HSPG2: variants seen among roughly 807,000 people sequenced by gnomAD.
The protein encoded by HSPG2 is basement membrane-specific heparan sulfate proteoglycan core protein.
Under a neutral mutation model 526.6 loss-of-function variants are expected in HSPG2, and 278 were observed. The ratio of observed to expected loss-of-function variants is 0.53; its 90% CI spans 0.48 to 0.58. HSPG2 has a LOEUF of 0.58. Ranked by LOEUF, HSPG2 falls within the 20% of genes least tolerant of loss-of-function variation. The pLI is 0.00. For missense variants in HSPG2, 5,354 were observed against 6,099.5 expected (o/e 0.88, Z 4.07); for synonymous variants, 2,465 against 2,555.4 (o/e 0.96, Z 1.07).
At position 21,848,454 on chromosome 1, in the gene HSPG2, G is replaced by A. The variant is rs1334932707; in HGVS notation, c.7737+189C>T. Among the ~76,000 whole-genome samples, 1 of 152,180 alleles carries A rather than the reference G, an allele frequency of 6.6e-6. No individual in the cohort carries two copies. Among genetic ancestry groups the A allele is most frequent in the Non-Finnish European group, 1.5e-5 (1 of 68,022 alleles). On this transcript the variant is annotated intron_variant, in intron 59 of 96. Transcript: ENST00000374695. This position sits in a 1 kb window ranked among gnomAD's most constrained non-coding sequence, Gnocchi z 4.9. ...CTTTTCAGTGAGATTTGGTGCAGAA[G>A]TGGATCTCCCTGAGGTCAGGGAGCC...
At chr1:21,875,112 T>G in intron 25 of HSPG2, 110 bp from the exon 26 acceptor site, 1 of 816,976 alleles carries the variant, frequency 1.2e-6, no homozygotes, top group Non-Finnish European at 2.1e-6. Context: ...CCTGTCACAG[T>G]GCTGCTGGGG....
chr1:21,889,068 G>T (rs1352405425), intron 6 of HSPG2, among the ~76,000 whole-genome samples: 1 of 152,178 alleles, frequency 6.6e-6, no homozygotes, highest in Non-Finnish European at 1.5e-5. Flanking sequence ...TAGGACTACA[G>T]GCGCGCACCA....
chr1:21,880,509 C>T lies in HSPG2; in HGVS notation c.2049G>A (p.Leu683=), dbSNP rs768944972. The T allele has an allele frequency of 5.6e-6, 9 of 1,613,626 alleles. No individual in the cohort carries two copies. Among genetic ancestry groups the T allele is most frequent in the Admixed American group, 5.0e-5 (3 of 60,000 alleles). ...SGRPVQRAEL[L]QVLQSLEAVL... ...CGGCCTCCAGGCTCTGCAGCACCTG[C>T]AGCAGCTCCGCGCGCTGCACCGGCC... Residue 683 remains leucine, a synonymous_variant, in exon 16 of 97, where the codon CTG becomes CTA. Coordinates refer to ENST00000374695, the MANE Select transcript of HSPG2 (RefSeq NM_005529.7).
Position 21,887,834 on chromosome 1 carries a change from C to A in HSPG2, c.703+104G>T. ...CCCTTCCTATGCCCCCATCCTCTGC[C>A]TGCACCAAACCCTCATAGTCCTTGA... On this transcript the variant is annotated intron_variant, in intron 7 of 96. Transcript: ENST00000374695. This position sits in a 1 kb window ranked among gnomAD's most constrained non-coding sequence, Gnocchi z 5.0. The A allele has an allele frequency of 6.3e-7, 1 of 1,590,454 alleles. No individual in the cohort carries two copies. The highest frequency in any genetic ancestry group is 2.2e-5 in the East Asian group (1 of 44,772).
chr1:21,830,907 G>T, intron 85 of HSPG2, 75 bp downstream of exon 85: 1 of 954,574 alleles, frequency 1.0e-6, no homozygotes, highest in East Asian at 2.6e-5. Flanking sequence ...GGTTGAGATG[G>T]TGGTGGATAT....
intron 6 of HSPG2, among the ~76,000 whole-genome samples, chr1:21,889,276 C>T (rs1395174668): frequency 1.3e-5 from 2 of 152,004 alleles, no homozygotes; most frequent in East Asian, 1.9e-4. Flanking sequence ...TAGGGCTGTT[C>T]GGTCTAGAGA....
In HSPG2 at chr1:21,842,749, T is replaced by C. The variant is rs776639290; in HGVS notation, c.8910+21A>G. The C allele has an allele frequency of 1.4e-5, 23 of 1,612,178 alleles. No individual in the cohort carries two copies. In the African/African-American group the frequency reaches 1.6e-4, roughly 11 times the overall value. ...TCTAACCTTGCCTGACCTGGAATCC[T>C]CCCCATCCTGGCCCCTGTACCTGGT... On this transcript the variant is annotated intron_variant, in intron 67 of 96. Coordinates refer to ENST00000374695, the MANE Select transcript of HSPG2 (RefSeq NM_005529.7).
intron 86 of HSPG2, 101 bp downstream of exon 86, chr1:21,829,892 C>G (rs746793596): frequency 9.7e-6 from 10 of 1,035,296 alleles, no homozygotes; most frequent in Admixed American, 2.0e-5. Context: ...GCTTGGGAAT[C>G]GTTTTATCAT....
chr1:21,914,483 C>T (rs915676844), intron 1 of HSPG2, among the ~76,000 whole-genome samples: 1 of 152,126 alleles, frequency 6.6e-6, no homozygotes, highest in Non-Finnish European at 1.5e-5. Flanking sequence ...TGTCTCTATC[C>T]CCCGGAGGAG....
intron 75 of HSPG2, 30 bp from the exon 76 acceptor site, chr1:21,835,667 G>A (rs1296395650): frequency 6.5e-7 from 1 of 1,543,726 alleles, no homozygotes. Flanking sequence ...AGACATCAGG[G>A]AGTTGAAAAC....
In HSPG2 at chr1:21,848,656, G is replaced by A; in HGVS notation, c.7724C>T (p.Pro2575Leu). Reference protein sequence around the residue: ...ITWYKRGGSLPSRHQIVGSRL... With the variant: ...ITWYKRGGSLLSRHQIVGSRL... ...CTGGCCCTGTACCTGGTGCCGGCTG[G>A]GTAAGCTGCCTCCACGCTTATACCA... The change falls in exon 59 of 97, where the codon CCC (proline) becomes CTC (leucine). Residue 2575 changes from proline (P) to leucine (L), a missense_variant. Coordinates refer to ENST00000374695, the MANE Select transcript of HSPG2 (RefSeq NM_005529.7). This position sits in a 1 kb window ranked among gnomAD's most constrained non-coding sequence, Gnocchi z 4.9. 2 of 1,613,418 alleles carry A rather than the reference G, an allele frequency of 1.2e-6. No individual in the cohort carries two copies. The highest frequency in any genetic ancestry group is 1.7e-6 in the Non-Finnish European group (2 of 1,179,996).
At chr1:21,875,542 G>T in intron 25 of HSPG2, 87 bp downstream of exon 25, 1 of 979,838 alleles carries the variant, frequency 1.0e-6, no homozygotes, top group Non-Finnish European at 1.6e-6. Flanking sequence ...GGGTCACACA[G>T]TCTGTAAGTG....
Position 21,830,032 on chromosome 1 carries a change from G to A in HSPG2, c.11731C>T (p.Arg3911Cys), listed in dbSNP as rs745530484. The A allele has an allele frequency of 8.1e-6, 13 of 1,607,872 alleles. No individual in the cohort carries two copies. Among genetic ancestry groups the A allele is most frequent in the African/African-American group, 1.3e-5 (1 of 74,986 alleles). ...NRPDGRGYTC[R>C]CHLGRSGLRC... ...AACCCCGAGCGGCCCAGGTGGCAGC[G>A]GCAGGTGTAGCCTCGACCGTCAGGC... Residue 3911 changes from arginine to cysteine, a missense_variant, in exon 86 of 97, where the codon CGC becomes TGC. Physicochemically the swap from Arg to Cys is radical, Grantham distance 180. Coordinates refer to ENST00000374695, the MANE Select transcript of HSPG2 (RefSeq NM_005529.7).
Position 21,848,043 on chromosome 1 carries a change from G to A in HSPG2, c.7788C>T (p.Gly2596=), listed in dbSNP as rs780440825. Residue 2596 remains glycine, a synonymous_variant, in exon 60 of 97, where the codon GGC becomes GGT. Coordinates refer to ENST00000374695, the MANE Select transcript of HSPG2 (RefSeq NM_005529.7). This position sits in a 1 kb window ranked among gnomAD's most constrained non-coding sequence, Gnocchi z 4.9. Reference sequence around the variant, plus strand: ...CGTTACTGACGTGACACACGTACTCGCCCGAGTCTGCCGGAGTCACCTGAG... The same window carrying A: ...CGTTACTGACGTGACACACGTACTCACCCGAGTCTGCCGGAGTCACCTGAG... The part of the protein sequence containing the change: ...RIPQVTPADS[G]EYVCHVSNGA... The A allele has an allele frequency of 2.5e-5, 41 of 1,612,956 alleles. No individual in the cohort carries two copies. The East Asian group carries it at 6.7e-4, about 26-fold the overall frequency.
In HSPG2 at chr1:21,904,816, G is replaced by A. The variant is rs1453538704; in HGVS notation, c.64-8506C>T. Among the ~76,000 whole-genome samples, 1 of 152,164 alleles carries A rather than the reference G, an allele frequency of 6.6e-6. No individual in the cohort carries two copies. Among genetic ancestry groups the A allele is most frequent in the African/African-American group, 2.4e-5 (1 of 41,440 alleles). On this transcript the variant is annotated intron_variant, in intron 1 of 96. Transcript: ENST00000374695. The surrounding 1 kb of genome is among the most constrained non-coding windows in gnomAD (Gnocchi z 4.4). ...GCGTTCACGTGCCAGCCTCCTGCAT[G>A]CAGCCTGGCTTGGTTCTCAGGTTCT...
intron 1 of HSPG2, among the ~76,000 whole-genome samples, chr1:21,926,452 C>A (rs1377400293): frequency 6.6e-6 from 1 of 151,976 alleles, no homozygotes; most frequent in Non-Finnish European, 1.5e-5. Context: ...GGGTGAAGAG[C>A]CGTGAAAGTG....
At position 21,823,474 on chromosome 1, in the gene HSPG2, C is replaced by T. The variant is rs145687082; in HGVS notation, c.13018G>A (p.Val4340Met). ...AATCTGCCCCCGGTCAGCGTGGCCA[C>T]GTCAGGGGCTCCGCCTGCCGGGAGG... ...GSVYIGGAPD[V>M]ATLTGGRFSS... Residue 4340 changes from valine to methionine, a missense_variant, in exon 97 of 97, where the codon GTG becomes ATG. Coordinates refer to ENST00000374695, the MANE Select transcript of HSPG2 (RefSeq NM_005529.7). 2,406 of 1,599,730 alleles carry T rather than the reference C, an allele frequency of 1.5e-3. 5 individuals are homozygous for T. Among genetic ancestry groups the T allele is most frequent in the Non-Finnish European group, 1.7e-3 (2,005 of 1,177,134 alleles).
chr1:21,842,489 T>C lies in HSPG2; in HGVS notation c.8911-109A>G, dbSNP rs7528408. Reference sequence around the variant, plus strand: ...AGAGTTCTCTCGGAAGCTCAGGGTCTCAGCTGGTAGGGCTGGTGGAAGCTT... The same window carrying C: ...AGAGTTCTCTCGGAAGCTCAGGGTCCCAGCTGGTAGGGCTGGTGGAAGCTT... On this transcript the variant is annotated intron_variant, in intron 67 of 96. Transcript: ENST00000374695. 0.084 allele frequency: 108,969 copies of C among 1,291,760 alleles called. 5,296 individuals carry two copies. The highest frequency in any genetic ancestry group is 0.17 in the African/African-American group (11,633 of 67,136). 80.0% of individuals were successfully genotyped at this position (1,291,760 alleles called of 1,614,324 possible). A position where few individuals can be genotyped will look rare whatever the true frequency, so the allele number is the denominator to read the frequency against.
Position 21,887,911 on chromosome 1 carries a change from C to A in HSPG2, c.703+27G>T. On this transcript the variant is annotated intron_variant, in intron 7 of 96. Transcript: ENST00000374695. The surrounding 1 kb of genome is among the most constrained non-coding windows in gnomAD (Gnocchi z 5.0). ...CCTGGCCCTCCCCTGGCACCCAAAC[C>A]ACTCGTGGCCCCGGACATCCCCTCA... The A allele has an allele frequency of 1.2e-6, 2 of 1,613,926 alleles. No individual in the cohort carries two copies. The highest frequency in any genetic ancestry group is 1.7e-6 in the Non-Finnish European group (2 of 1,180,014).
Sources: gnomAD v4.1 joint callset for allele counts (sites outside exome capture counted in the v4.1 genomes callset) on GRCh38, gnomAD v4.1.1 for gene constraint, Gnocchi (gnomAD v3.1) non-coding constraint, MANE v1.5 for transcripts, NCBI Gene and HGNC (gene_info 2026-07-23, HGNC 2026-07-21) for gene names.